MAF: variants seen among roughly 807,000 people sequenced by gnomAD.
The protein encoded by MAF is transcription factor Maf.
In MAF, 10 loss-of-function variants were observed where a neutral mutation model predicts 22.0. The ratio of observed to expected loss-of-function variants is 0.45; its 90% CI spans 0.28 to 0.77. The LOEUF is 0.77. MAF is among the 30% of genes least tolerant of loss of function. The pLI, the probability that MAF is intolerant of heterozygous loss-of-function variation, is 0.12. For missense variants in MAF, 544 were observed against 548.4 expected, an observed-to-expected ratio of 0.99 and a Z score of 0.08; for synonymous variants, 337 against 255.8, an observed-to-expected ratio of 1.32 and a Z score of -3.03.
At chr16:79,565,534 T>C in the MAF span, among the ~76,000 whole-genome samples, 1 of 151,976 alleles carries the variant, frequency 6.6e-6, no homozygotes, top group Non-Finnish European at 1.5e-5. Context: ...GGGAGGTGAC[T>C]GAATCATGGG....
chr16:79,323,232 G>A, the MAF span, among the ~76,000 whole-genome samples: 8 of 133,232 alleles, frequency 6.0e-5, no homozygotes, highest in Non-Finnish European at 1.1e-4. Flanking sequence ...AGAAAAGTCA[G>A]TCTAGTCCCG....
chr16:79,515,982 G>A, the MAF span: 1 of 117,572 alleles, frequency 8.5e-6, no homozygotes, highest in Non-Finnish European at 1.7e-5. Context: ...TTTTTGCAGT[G>A]CCTCAAGCTA....
the MAF span, among the ~76,000 whole-genome samples, chr16:79,276,001 T>A: frequency 9.9e-5 from 15 of 152,022 alleles, no homozygotes; most frequent in African/African-American, 3.6e-4. Flanking sequence ...GTTTGCCAGG[T>A]GTGGTGGCAG....
chr16:79,595,931 G>A (rs1913493496), intron 1 of MAF: 2 of 1,059,338 alleles, frequency 1.9e-6, no homozygotes, highest in Admixed American at 1.1e-4. Flanking sequence ...AAAGAGAAAA[G>A]CAAAACAAAA....
the MAF span, among the ~76,000 whole-genome samples, chr16:79,508,115 G>T: frequency 6.6e-6 from 1 of 152,158 alleles, no homozygotes; most frequent in Non-Finnish European, 1.5e-5. Context: ...CGCAGCATGG[G>T]AGCAACCCTT....
At chr16:79,261,847 G>C in the MAF span, among the ~76,000 whole-genome samples, 4 of 152,196 alleles carry the variant, frequency 2.6e-5, no homozygotes. Flanking sequence ...GGGGCGTTGG[G>C]GGTGGAGGTT....
the MAF span, among the ~76,000 whole-genome samples, chr16:79,241,244 C>A: frequency 6.6e-6 from 1 of 151,914 alleles, no homozygotes; most frequent in Non-Finnish European, 1.5e-5. Flanking sequence ...CAAACTTCAC[C>A]GAGCTAAAGG....
chr16:79,415,641 CG>C, the MAF span, among the ~76,000 whole-genome samples: 3 of 151,860 alleles, frequency 2.0e-5, no homozygotes, highest in African/African-American at 7.3e-5. Context: ...ATGGTTGCCT[CG>C]GGGCCACTGA....
the MAF span, among the ~76,000 whole-genome samples, chr16:79,230,123 ACT>A: frequency 6.6e-6 from 1 of 151,948 alleles, no homozygotes; most frequent in African/African-American, 2.4e-5. Context: ...ATGCTGAGTG[ACT>A]CTGTAGGCAA....
the MAF span, among the ~76,000 whole-genome samples, chr16:79,546,855 G>A: frequency 1.3e-5 from 2 of 152,144 alleles, no homozygotes; most frequent in Non-Finnish European, 2.9e-5. Flanking sequence ...TACAGTGGGA[G>A]GATGGACTTA....
the MAF span, among the ~76,000 whole-genome samples, chr16:79,540,876 G>C: frequency 7.7e-4 from 117 of 151,934 alleles, no homozygotes; most frequent in African/African-American, 2.8e-3. Context: ...CACAATCTAG[G>C]TTAATTATTA....
chr16:79,229,799 T>G, the MAF span, among the ~76,000 whole-genome samples: 1 of 152,048 alleles, frequency 6.6e-6, no homozygotes, highest in South Asian at 2.1e-4. Flanking sequence ...GATGCGGAGT[T>G]TAATCCTAAC....
At chr16:79,293,294 CAG>C in the MAF span, among the ~76,000 whole-genome samples, 2 of 152,144 alleles carry the variant, frequency 1.3e-5, no homozygotes, top group African/African-American at 4.8e-5. Flanking sequence ...GTGCCCAAAA[CAG>C]AGTCTACAGA....
At chr16:79,577,474 C>T in the MAF span, among the ~76,000 whole-genome samples, 1 of 152,116 alleles carries the variant, frequency 6.6e-6, no homozygotes, top group Admixed American at 6.5e-5. Flanking sequence ...ATATCTGCCT[C>T]TCTATTCATT....
At chr16:79,282,040 T>C in the MAF span, among the ~76,000 whole-genome samples, 1 of 152,138 alleles carries the variant, frequency 6.6e-6, no homozygotes, top group Non-Finnish European at 1.5e-5. Context: ...CAGTGGCTCA[T>C]GCCTGTAATA....
At chr16:79,490,062 T>TCTA in the MAF span, among the ~76,000 whole-genome samples, 2 of 152,224 alleles carry the variant, frequency 1.3e-5, no homozygotes, top group Admixed American at 6.5e-5. Flanking sequence ...TGTCTAAGTG[T>TCTA]CTACACCTGT....
downstream of MAF, among the ~76,000 whole-genome samples, chr16:79,588,959 T>G (rs182470828): frequency 6.6e-6 from 1 of 152,170 alleles, no homozygotes; most frequent in African/African-American, 2.4e-5. Context: ...TTTTCCGCCT[T>G]CTATGAAAAA....
At chr16:79,487,644 A>C in the MAF span, among the ~76,000 whole-genome samples, 49 of 152,260 alleles carry the variant, frequency 3.2e-4, no homozygotes, top group African/African-American at 1.1e-3. Context: ...TCGGGGAAAA[A>C]ATCCTATTTT....
the MAF span, among the ~76,000 whole-genome samples, chr16:79,534,924 T>A: frequency 1.3e-5 from 2 of 152,158 alleles, no homozygotes; most frequent in Non-Finnish European, 2.9e-5. Flanking sequence ...AGCTTCAGTT[T>A]TACTTTTCTC....
Sources: gnomAD v4.1 joint callset for allele counts (sites outside exome capture counted in the v4.1 genomes callset) on GRCh38, gnomAD v4.1.1 for gene constraint, MANE v1.5 for transcripts, NCBI Gene and HGNC (gene_info 2026-07-23, HGNC 2026-07-21) for gene names.